Variants in ACBD5 observed in about 807,000 individuals in gnomAD.
ACBD5 encodes acyl-CoA binding domain containing 5, also known as acyl-CoA-binding domain-containing protein 5.
Under a neutral mutation model 71.8 loss-of-function variants are expected in ACBD5, and 40 were observed. The ratio of observed to expected loss-of-function variants is 0.56; its 90% CI spans 0.43 to 0.72. ACBD5 has a LOEUF of 0.72. Among genes scored for constraint, ACBD5 ranks in the 30% least tolerant of loss-of-function variants. The pLI is 0.00. For missense variants in ACBD5, 559 were observed against 644.5 expected, an observed-to-expected ratio of 0.87 and a Z score of 1.44; for synonymous variants, 229 against 218.6, an observed-to-expected ratio of 1.05 and a Z score of -0.42.
At chr10:27,221,826 G>A (rs2062374295) in intron 5 of ACBD5, among the ~76,000 whole-genome samples, 1 of 148,158 alleles carries the variant, frequency 6.7e-6, no homozygotes, top group Non-Finnish European at 1.5e-5. Context: ...GCTAAGTCAG[G>A]AGAATTGCTT....
Position 27,197,260 on chromosome 10 carries a change from G to A in ACBD5, c.*170C>T, listed in dbSNP as rs755088288. 9 of 707,056 alleles carry A rather than the reference G, an allele frequency of 1.3e-5. No individual in the cohort carries two copies. The highest frequency in any genetic ancestry group is 7.6e-5 in the South Asian group (5 of 65,754). 43.8% of individuals were successfully genotyped at this position (707,056 alleles called of 1,614,324 possible). A position where few individuals can be genotyped will look rare whatever the true frequency, so the allele number is the denominator to read the frequency against. ...CAATATTAGTCCTTAAAATGTTATC[G>A]TTTGTGTAGTGCAAAATATATATGT... On this transcript the variant is annotated 3_prime_UTR_variant, in exon 13 of 13. Coordinates refer to ENST00000396271, the MANE Select transcript of ACBD5 (RefSeq NM_145698.5).
At chr10:27,221,017 T>C (rs963009963) in intron 5 of ACBD5, among the ~76,000 whole-genome samples, 3 of 152,226 alleles carry the variant, frequency 2.0e-5, no homozygotes, top group Non-Finnish European at 4.4e-5. Context: ...AAATGACAAA[T>C]GTACGTGGTT....
chr10:27,213,495 C>T (rs1209988885), intron 8 of ACBD5, among the ~76,000 whole-genome samples: 3 of 152,136 alleles, frequency 2.0e-5, no homozygotes, highest in South Asian at 2.1e-4. Flanking sequence ...TGGTGGCTCA[C>T]GCCTGAAATC....
intron 8 of ACBD5, among the ~76,000 whole-genome samples, chr10:27,215,274 C>T (rs1047196268): frequency 4.6e-5 from 7 of 152,042 alleles, no homozygotes; most frequent in South Asian, 2.1e-4. Context: ...CCCCATCCCA[C>T]GTCTCCTAGA....
At chr10:27,213,317 C>T (rs560949830) in intron 8 of ACBD5, among the ~76,000 whole-genome samples, 7 of 152,308 alleles carry the variant, frequency 4.6e-5, no homozygotes, top group African/African-American at 1.2e-4. Context: ...GATATTACCT[C>T]GCCCCAGTTA....
chr10:27,231,567 G>A (rs1446127829), intron 4 of ACBD5, among the ~76,000 whole-genome samples, 181 bp downstream of exon 4: 1 of 151,970 alleles, frequency 6.6e-6, no homozygotes, highest in Non-Finnish European at 1.5e-5. Flanking sequence ...ATATATCTTA[G>A]GGAAAAAACA....
intron 12 of ACBD5, among the ~76,000 whole-genome samples, chr10:27,197,919 T>C (rs1564544977): frequency 6.6e-6 from 1 of 152,198 alleles, no homozygotes; most frequent in Non-Finnish European, 1.5e-5. Context: ...GCGTTAGCTA[T>C]GGCGCCCAGC....
At chr10:27,184,617 G>A (rs2058555313) in intron 13 of ACBD5, among the ~76,000 whole-genome samples, 1 of 128,598 alleles carries the variant, frequency 7.8e-6, no homozygotes. Flanking sequence ...CTGGAGTGCA[G>A]TGGCATGATC....
In ACBD5 at chr10:27,218,199, G is replaced by A; in HGVS notation, c.626-16C>T. ...ATTTTCTTATCTTTTACGAGAAAAT[G>A]GGAAAGATTCATAAAAGTTCACAGT... On this transcript the variant is annotated splice_polypyrimidine_tract_variant and intron_variant, in intron 6 of 12. Transcript: ENST00000396271. The A allele has an allele frequency of 6.2e-7, 1 of 1,600,744 alleles. No individual in the cohort carries two copies. The highest frequency in any genetic ancestry group is 8.6e-7 in the Non-Finnish European group (1 of 1,169,052).
intron 12 of ACBD5, among the ~76,000 whole-genome samples, chr10:27,198,645 G>C (rs1564547635): frequency 6.6e-6 from 1 of 152,170 alleles, no homozygotes; most frequent in Non-Finnish European, 1.5e-5. Context: ...GGCCCCTGGA[G>C]GAAGAGAATT....
At chr10:27,234,784 T>C (rs1157822101) in intron 3 of ACBD5, among the ~76,000 whole-genome samples, 1 of 151,964 alleles carries the variant, frequency 6.6e-6, no homozygotes, top group African/African-American at 2.4e-5. Context: ...ATACAAAAAT[T>C]AGCTGGGTGT....
At chr10:27,187,428 G>A (rs1280606283) in intron 13 of ACBD5, among the ~76,000 whole-genome samples, 1 of 152,082 alleles carries the variant, frequency 6.6e-6, no homozygotes, top group Non-Finnish European at 1.5e-5. Context: ...ATTTCTATTG[G>A]TGCGTAGTCC....
intron 4 of ACBD5, among the ~76,000 whole-genome samples, chr10:27,226,671 C>T (rs1011723470): frequency 4.1e-4 from 61 of 149,022 alleles, no homozygotes; most frequent in African/African-American, 1.4e-3. Context: ...AATTTTTTTG[C>T]GACAGCGTCT....
At chr10:27,199,071 T>C (rs906778124) in intron 12 of ACBD5, among the ~76,000 whole-genome samples, 1 of 151,360 alleles carries the variant, frequency 6.6e-6, no homozygotes, top group Non-Finnish European at 1.5e-5. Flanking sequence ...ATCGGGCCAC[T>C]GCACTCCAGC....
At chr10:27,232,902 T>C (rs1264728426) in intron 3 of ACBD5, among the ~76,000 whole-genome samples, 1 of 152,184 alleles carries the variant, frequency 6.6e-6, no homozygotes, top group Non-Finnish European at 1.5e-5. Context: ...AATAATTAAA[T>C]CTTCTTAAAA....
rs59947739 is a variant in ACBD5, at chr10:27,234,801, G to A, written c.302+291C>T. ...ACAAAAATTAGCTGGGTGTGGTGGC[G>A]CGCACCTGTAATCCCACCTACTCAG... On this transcript the variant is annotated intron_variant, in intron 3 of 12. Coordinates refer to ENST00000396271, the MANE Select transcript of ACBD5 (RefSeq NM_145698.5). Among the ~76,000 whole-genome samples the A allele has an allele frequency of 0.054, 8,158 of 152,118 alleles. 561 individuals carry two copies. The highest frequency in any genetic ancestry group is 0.16 in the African/African-American group (6,550 of 41,468).
intron 8 of ACBD5, among the ~76,000 whole-genome samples, chr10:27,214,524 T>A (rs1365033798): frequency 6.6e-6 from 1 of 151,902 alleles, no homozygotes; most frequent in Non-Finnish European, 1.5e-5. Flanking sequence ...TGAATATATA[T>A]ACCTATGTGC....
intron 12 of ACBD5, 48 bp from the exon 13 acceptor site, chr10:27,197,490 T>C (rs370677403): frequency 5.4e-5 from 75 of 1,376,172 alleles, no homozygotes; most frequent in Non-Finnish European, 7.6e-5. Flanking sequence ...TGAATGCAAA[T>C]AATTCTCTGG....
chr10:27,193,114 C>CGTGTGTGTGTGT (rs58983291), downstream of ACBD5, among the ~76,000 whole-genome samples: 23 of 80,298 alleles, frequency 2.9e-4, 1 homozygote, highest in Middle Eastern at 5.9e-3. Flanking sequence ...TTCCTTCCTT[C>CGTGTGTGTGTGT]GTGTGTGTGT....
Sources: allele counts gnomAD v4.1 joint callset (sites outside exome capture counted in the v4.1 genomes callset), GRCh38; gene constraint gnomAD v4.1.1; transcripts MANE v1.5; gene names NCBI Gene and HGNC (gene_info 2026-07-23, HGNC 2026-07-21).